Variants in PALM2AKAP2 observed in about 807,000 individuals in gnomAD.
PALM2AKAP2 encodes PALM2 and AKAP2 fusion.
PALM2AKAP2 carries 37 observed loss-of-function variants against 71.5 expected under a neutral mutation model. The observed-to-expected ratio is 0.52, with a 90% CI of 0.40 to 0.68. The LOEUF (loss-of-function observed/expected upper bound fraction) is 0.68. Among genes scored for constraint, PALM2AKAP2 ranks in the 30% least tolerant of loss-of-function variants. PALM2AKAP2 has a pLI of 0.00. For synonymous variants in PALM2AKAP2, 468 were observed against 478.8 expected (o/e 0.98, Z 0.29); for missense variants, 1,224 against 1,191.8 (o/e 1.03, Z -0.40).
At chr9:110,058,673 C>T (rs187157667) in intron 1 of PALM2AKAP2, among the ~76,000 whole-genome samples, 215 of 152,280 alleles carry the variant, frequency 1.4e-3, no homozygotes, top group Admixed American at 8.8e-3. Flanking sequence ...TTCAATGCCA[C>T]GACACTGTAG....
intron 2 of PALM2AKAP2, among the ~76,000 whole-genome samples, chr9:110,151,757 G>A (rs1587865702): frequency 1.3e-5 from 2 of 150,656 alleles, no homozygotes; most frequent in African/African-American, 2.5e-5. Flanking sequence ...TCCTCCACTC[G>A]GAATTTCAGT....
At chr9:110,022,078 C>G (rs1349540363) in intron 7 of PALM2AKAP2, among the ~76,000 whole-genome samples, 1 of 152,178 alleles carries the variant, frequency 6.6e-6, no homozygotes, top group Non-Finnish European at 1.5e-5. Context: ...CTTCCCATTT[C>G]AACACTGAAT....
chr9:109,686,668 A>G lies in PALM2AKAP2; in HGVS notation c.5+45802A>G, dbSNP rs115444913. 3.5e-3 allele frequency among the ~76,000 whole-genome samples: 538 copies of G among 152,114 alleles called. 7 individuals carry two copies. The highest frequency in any genetic ancestry group is 0.012 in the African/African-American group (515 of 41,516). ...TTTACTTTTATTTTTTAGAGCATTA[A>G]CCTTTGCAATTTATTTTTTTTATTA... On this transcript the variant is annotated intron_variant, in intron 1 of 6. Transcript: ENST00000374531.
chr9:109,678,623 A>G (rs2118510598), intron 1 of PALM2AKAP2, among the ~76,000 whole-genome samples: 1 of 152,262 alleles, frequency 6.6e-6, no homozygotes, highest in East Asian at 1.9e-4. Flanking sequence ...CTTATCTAGG[A>G]GAGGTGATCA....
chr9:110,048,496 AT>A, upstream of PALM2AKAP2: 2 of 539,882 alleles, frequency 3.7e-6, no homozygotes, highest in Non-Finnish European at 6.3e-6. Context: ...GCATTCATTC[AT>A]TTCTTCGTTT....
At chr9:109,685,609 C>T (rs977300520) in intron 1 of PALM2AKAP2, among the ~76,000 whole-genome samples, 1 of 151,896 alleles carries the variant, frequency 6.6e-6, no homozygotes, top group Non-Finnish European at 1.5e-5. Flanking sequence ...ATATATATAC[C>T]TTAATTTAAA....
chr9:109,809,208 G>A (rs1018641871), intron 1 of PALM2AKAP2, among the ~76,000 whole-genome samples: 6 of 152,212 alleles, frequency 3.9e-5, no homozygotes, highest in Non-Finnish European at 7.3e-5. Context: ...TCTACTGACA[G>A]CTTTCATCGT....
chr9:110,033,429 C>T (rs1390993733), intron 7 of PALM2AKAP2, among the ~76,000 whole-genome samples: 3 of 152,210 alleles, frequency 2.0e-5, no homozygotes, highest in African/African-American at 7.2e-5. Flanking sequence ...CACTCCCTTT[C>T]TTTTTCCCAG....
At chr9:109,921,047 T>G (rs1455874212) in intron 3 of PALM2AKAP2, among the ~76,000 whole-genome samples, 1 of 152,234 alleles carries the variant, frequency 6.6e-6, no homozygotes, top group African/African-American at 2.4e-5. Flanking sequence ...AAAGAAGTTT[T>G]ACATCTTTAT....
chr9:109,933,104 A>G (rs1298137167), intron 6 of PALM2AKAP2, among the ~76,000 whole-genome samples: 1 of 152,266 alleles, frequency 6.6e-6, no homozygotes, highest in Non-Finnish European at 1.5e-5. Flanking sequence ...TTTTATGTAC[A>G]GACTCACAGA....
chr9:109,980,023 G>A (rs1328482092), intron 6 of PALM2AKAP2, among the ~76,000 whole-genome samples: 1 of 152,076 alleles, frequency 6.6e-6, no homozygotes, highest in Non-Finnish European at 1.5e-5. Flanking sequence ...ATTCCCAAAA[G>A]GGTAGAAAGG....
intron 1 of PALM2AKAP2, among the ~76,000 whole-genome samples, chr9:109,646,193 A>C (rs1026836730): frequency 2.6e-5 from 4 of 152,206 alleles, no homozygotes; most frequent in Non-Finnish European, 5.9e-5. Flanking sequence ...TGTGTGGTAC[A>C]TGAAACATCA....
chr9:109,739,834 G>A (rs971128996), intron 1 of PALM2AKAP2, among the ~76,000 whole-genome samples: 11 of 152,166 alleles, frequency 7.2e-5, no homozygotes, highest in African/African-American at 2.4e-4. Context: ...GCTGCAGAAC[G>A]TGGGCAACTC....
chr9:109,898,981 A>G (rs1207293129), intron 3 of PALM2AKAP2, among the ~76,000 whole-genome samples: 1 of 152,166 alleles, frequency 6.6e-6, no homozygotes, highest in Non-Finnish European at 1.5e-5. Context: ...CATCTGGGAA[A>G]TATTGGTGCT....
rs562998248 is a variant in PALM2AKAP2 at position 109,809,423 on chromosome 9, C to G, written c.45+28890C>G. ...TAATGACTGTCCACTAGATTTTGGA[C>G]TTGCATGGAGCCTGTAGCCCCTTGG... On this transcript the variant is annotated intron_variant, in intron 1 of 9. Coordinates refer to the PALM2AKAP2 transcript ENST00000302798. 1.5e-3 allele frequency among the ~76,000 whole-genome samples: 227 copies of G among 152,290 alleles called. 1 individual carries two copies. The highest frequency in any genetic ancestry group is 5.0e-3 in the African/African-American group (206 of 41,544).
At chr9:110,015,519 A>T (rs1832965228) in intron 6 of PALM2AKAP2, among the ~76,000 whole-genome samples, 2 of 152,266 alleles carry the variant, frequency 1.3e-5, no homozygotes, top group Admixed American at 1.3e-4. Context: ...GAGGCAGGAG[A>T]ATTGCTGAGG....
chr9:109,851,429 C>T (rs977433661), intron 1 of PALM2AKAP2, among the ~76,000 whole-genome samples: 3 of 152,080 alleles, frequency 2.0e-5, no homozygotes, highest in African/African-American at 7.2e-5. Flanking sequence ...GATGGGAAGC[C>T]AGACATTAGA....
At chr9:110,172,199 G>A (rs1211753584) in exon 4 of PALM2AKAP2, 2 of 152,558 alleles carry the variant, frequency 1.3e-5, no homozygotes, top group Admixed American at 6.5e-5. Context: ...CTAAGTGTTA[G>A]AGATGGTGAA....
chr9:110,010,470 A>T (rs1434309196), intron 6 of PALM2AKAP2, among the ~76,000 whole-genome samples: 3 of 148,154 alleles, frequency 2.0e-5, no homozygotes, highest in African/African-American at 7.4e-5. Context: ...AATATGTATT[A>T]TACATACTAT....
Sources: allele counts gnomAD v4.1 joint callset (sites outside exome capture counted in the v4.1 genomes callset), GRCh38; gene constraint gnomAD v4.1.1; transcripts MANE v1.5; gene names NCBI Gene and HGNC (gene_info 2026-07-23, HGNC 2026-07-21).